The following DLGAP4 variants were observed in gnomAD, a reference collection of about 807,000 sequenced individuals.
DLGAP4 encodes DLG associated protein 4.
DLGAP4 carries 18 observed loss-of-function variants against 86.9 expected under a neutral mutation model. The ratio of observed to expected loss-of-function variants is 0.21; its 90% confidence interval spans 0.14 to 0.31. The LOEUF is 0.31. Ranked by LOEUF, DLGAP4 falls within the 10% of genes least tolerant of loss-of-function variation. DLGAP4 has a pLI of 1.00. For synonymous variants in DLGAP4, 548 were observed against 574.3 expected, an observed-to-expected ratio of 0.95 and a Z score of 0.65; for missense variants, 1,085 against 1,362.6, an observed-to-expected ratio of 0.80 and a Z score of 3.21.
intron 2 of DLGAP4, among the ~76,000 whole-genome samples, chr20:36,384,852 G>A (rs1351736774): frequency 1.3e-5 from 2 of 152,204 alleles, no homozygotes; most frequent in South Asian, 2.1e-4. Flanking sequence ...TACCTACTGT[G>A]TGCCAGGACC....
At chr20:36,483,595 G>A (rs1429668813) in intron 7 of DLGAP4, among the ~76,000 whole-genome samples, 1 of 152,216 alleles carries the variant, frequency 6.6e-6, no homozygotes, top group Non-Finnish European at 1.5e-5. Flanking sequence ...CCTGGGGTGG[G>A]GTGAGAGTCC....
At chr20:36,362,808 C>T (rs1316896357) in intron 1 of DLGAP4, among the ~76,000 whole-genome samples, 1 of 152,196 alleles carries the variant, frequency 6.6e-6, no homozygotes, top group Non-Finnish European at 1.5e-5. Flanking sequence ...CAGGCAGGGA[C>T]AGGCTCAGGG....
At chr20:36,416,236 C>T (rs537313762) in intron 2 of DLGAP4, among the ~76,000 whole-genome samples, 1 of 152,336 alleles carries the variant, frequency 6.6e-6, no homozygotes, top group Admixed American at 6.5e-5. Context: ...ATTCTCCTGC[C>T]TCAGCCTCCC....
intron 2 of DLGAP4, among the ~76,000 whole-genome samples, chr20:36,379,792 C>CTAGG (rs2031305960): frequency 6.6e-6 from 1 of 152,224 alleles, no homozygotes. Context: ...TAAGCCTCAC[C>CTAGG]TGTTCTAATA....
chr20:36,325,780 G>A (rs190089810), intron 1 of DLGAP4, among the ~76,000 whole-genome samples: 3 of 150,470 alleles, frequency 2.0e-5, no homozygotes, highest in South Asian at 2.1e-4. Flanking sequence ...ACAATGGCAC[G>A]ATCTCGGCTC....
intron 10 of DLGAP4, among the ~76,000 whole-genome samples, chr20:36,519,272 C>G (rs754468675): frequency 3.3e-5 from 5 of 152,040 alleles, no homozygotes; most frequent in African/African-American, 4.8e-5. Context: ...AGACAGAGAC[C>G]CTATCTCAAA....
At chr20:36,347,570 G>T (rs903917581) in intron 1 of DLGAP4, among the ~76,000 whole-genome samples, 1 of 152,014 alleles carries the variant, frequency 6.6e-6, no homozygotes, top group African/African-American at 2.4e-5. Flanking sequence ...CACTCTCATG[G>T]AAAAGCTGTG....
Position 36,326,418 on chromosome 20 carries a change from C to G in DLGAP4, c.-304+19906C>G, listed in dbSNP as rs998546678. Reference sequence around the variant, plus strand: ...CTTGCAGTATGGCTTACAATCTACACTTTAAACTTATTGCAGTGTACTTTC... The same window carrying G: ...CTTGCAGTATGGCTTACAATCTACAGTTTAAACTTATTGCAGTGTACTTTC... On this transcript the variant is annotated intron_variant, in intron 1 of 12. Transcript: ENST00000339266. Among the ~76,000 whole-genome samples, 6 of 152,184 alleles carry G rather than the reference C, an allele frequency of 3.9e-5. No homozygotes were observed. In the East Asian group the frequency reaches 7.7e-4, roughly 20 times the overall value.
intron 11 of DLGAP4, 177 bp from the exon 12 acceptor site, chr20:36,525,674 C>T: frequency 1.3e-6 from 1 of 784,170 alleles, no homozygotes; most frequent in Non-Finnish European, 2.0e-6. Context: ...ACCACTAGGG[C>T]TGGTGCTGAC....
intron 1 of DLGAP4, among the ~76,000 whole-genome samples, chr20:36,307,284 G>A (rs1031096260): frequency 2.0e-5 from 3 of 152,332 alleles, no homozygotes; most frequent in Non-Finnish European, 2.9e-5. Context: ...GATGGACCAG[G>A]TGGCCGCGGG....
At chr20:36,466,997 G>GTC (rs550402174) in intron 7 of DLGAP4, among the ~76,000 whole-genome samples, 3 of 38,694 alleles carry the variant, frequency 7.8e-5, no homozygotes, top group African/African-American at 3.4e-4. Context: ...CTCTGTCTCT[G>GTC]TCTCTCTCTC....
rs544223127 is a variant in DLGAP4 at position 36,327,431 on chromosome 20, A to T, written c.-304+20919A>T. Among the ~76,000 whole-genome samples the T allele has an allele frequency of 6.6e-5, 10 of 152,086 alleles. No homozygotes were observed. In the South Asian group the frequency reaches 2.1e-3, roughly 32 times the overall value. ...GAAGATTTATAATTTATAATTTTAC[A>T]CCTGGCAGAGTGCAGCACAGGAAAC... On this transcript the variant is annotated intron_variant, in intron 1 of 12. Transcript: ENST00000339266.
At chr20:36,497,243 A>G in intron 8 of DLGAP4, 177 bp downstream of exon 8, 5 of 985,396 alleles carry the variant, frequency 5.1e-6, no homozygotes, top group Non-Finnish European at 6.0e-6. Flanking sequence ...CCTCGCTGGT[A>G]TCTGTCCACA....
chr20:36,499,360 C>G, intron 8 of DLGAP4: 1 of 1,597,724 alleles, frequency 6.3e-7, no homozygotes, highest in East Asian at 2.2e-5. Flanking sequence ...TCCCACCTCC[C>G]GCCCACCTGC....
chr20:36,463,530 A>G (rs976148182), intron 7 of DLGAP4, among the ~76,000 whole-genome samples: 3 of 152,114 alleles, frequency 2.0e-5, no homozygotes, highest in African/African-American at 4.8e-5. Context: ...TGCCCTTCCA[A>G]TAGAGCAGGG....
intron 7 of DLGAP4, among the ~76,000 whole-genome samples, chr20:36,486,092 T>C (rs779926140): frequency 1.3e-5 from 2 of 152,214 alleles, no homozygotes; most frequent in East Asian, 1.9e-4. Context: ...CATGTGCCTC[T>C]GTTTACCCAG....
chr20:36,378,781 G>A (rs565025937), intron 2 of DLGAP4, among the ~76,000 whole-genome samples: 3 of 152,182 alleles, frequency 2.0e-5, no homozygotes, highest in East Asian at 3.9e-4. Context: ...TGCAGGAGAC[G>A]CTTGAGTGTC....
chr20:36,488,124 C>T (rs188044527), intron 7 of DLGAP4, among the ~76,000 whole-genome samples: 4 of 150,608 alleles, frequency 2.7e-5, no homozygotes, highest in African/African-American at 4.9e-5. Flanking sequence ...CGCTTGAACC[C>T]GGGAGGCAGA....
At chr20:36,391,504 A>G (rs531226403) in intron 2 of DLGAP4, among the ~76,000 whole-genome samples, 9 of 151,052 alleles carry the variant, frequency 6.0e-5, no homozygotes, top group African/African-American at 2.2e-4. Flanking sequence ...CCTGTCACCA[A>G]TTGAAGTCCC....
Sources: gnomAD v4.1 joint callset for allele counts (sites outside exome capture counted in the v4.1 genomes callset) on GRCh38, gnomAD v4.1.1 for gene constraint, MANE v1.5 for transcripts, NCBI Gene and HGNC (gene_info 2026-07-23, HGNC 2026-07-21) for gene names.